Variants in CCDC30 observed in about 807,000 individuals in gnomAD.
CCDC30 encodes the protein coiled-coil domain-containing protein 30.
CCDC30 carries 70 observed loss-of-function variants against 100.2 expected under a neutral mutation model. The ratio of observed to expected loss-of-function variants is 0.70; its 90% CI spans 0.58 to 0.85. The LOEUF (loss-of-function observed/expected upper bound fraction) is 0.85, where lower values mean the gene tolerates loss of function less well. Among genes scored for constraint, CCDC30 ranks in the 40% least tolerant of loss-of-function variants. The pLI, the probability that CCDC30 is intolerant of heterozygous loss-of-function variation, is 0.00. For synonymous variants in CCDC30, 233 were observed against 269.5 expected (o/e 0.86, Z 1.33); for missense variants, 652 against 771.2 (o/e 0.85, Z 1.83).
chr1:42,526,382 G>T (rs528961574), intron 6 of CCDC30, among the ~76,000 whole-genome samples: 2 of 151,034 alleles, frequency 1.3e-5, no homozygotes, highest in South Asian at 4.2e-4. Context: ...CTATTTTTTT[G>T]TTGGAGGGTT....
chr1:42,520,493 G>A (rs548967163), intron 6 of CCDC30, among the ~76,000 whole-genome samples: 97 of 150,824 alleles, frequency 6.4e-4, no homozygotes, highest in Admixed American at 2.3e-3. Flanking sequence ...CACCATGCCC[G>A]GCTAATTTTT....
chr1:42,547,191 A>C (rs996220000), intron 6 of CCDC30, among the ~76,000 whole-genome samples: 2 of 152,230 alleles, frequency 1.3e-5, no homozygotes, highest in Admixed American at 1.3e-4. Flanking sequence ...TCACAAAAAC[A>C]GAGAGCCAAG....
At chr1:42,458,247 A>G (rs1196956987), upstream of CCDC30, among the ~76,000 whole-genome samples, 1 of 152,230 alleles carries the variant, frequency 6.6e-6, no homozygotes, top group Non-Finnish European at 1.5e-5. Flanking sequence ...CATCAGTATG[A>G]AAGACGAAGT....
chr1:42,547,524 A>G (rs1450301692), intron 6 of CCDC30, among the ~76,000 whole-genome samples: 1 of 152,196 alleles, frequency 6.6e-6, no homozygotes, highest in Non-Finnish European at 1.5e-5. Flanking sequence ...GTGGGGAGCA[A>G]GGATGTGGCT....
chr1:42,477,604 T>G (rs1643898531), intron 1 of CCDC30, among the ~76,000 whole-genome samples: 1 of 152,224 alleles, frequency 6.6e-6, no homozygotes, highest in African/African-American at 2.4e-5. Flanking sequence ...TTCCCTAGCA[T>G]GTTAATGATT....
chr1:42,558,539 A>G lies in CCDC30; in HGVS notation c.457-7757A>G, dbSNP rs572296836. ...CATCCAGCAGTAATCATTATTATCC[A>G]TATCTTAAGATGAGGGAATTGAAGT... On this transcript the variant is annotated intron_variant, in intron 6 of 16. Coordinates refer to ENST00000668663, the Ensembl canonical transcript of CCDC30. 5.5e-4 allele frequency among the ~76,000 whole-genome samples: 84 copies of G among 152,284 alleles called. 2 individuals are homozygous for G. In the South Asian group the frequency reaches 0.017, roughly 30 times the overall value.
intron 6 of CCDC30, among the ~76,000 whole-genome samples, chr1:42,539,895 G>A (rs1039143992): frequency 1.3e-5 from 2 of 150,866 alleles, no homozygotes; most frequent in Admixed American, 6.6e-5. Flanking sequence ...TTCAGCCTGG[G>A]CAGCACAGTG....
intron 15 of CCDC30, among the ~76,000 whole-genome samples, chr1:42,652,510 G>T (rs988783): frequency 0.97 from 147,611 of 152,312 alleles, 71,688 homozygotes; most frequent in African/African-American, 0.99. Context: ...ATAAAAATTT[G>T]AAAAAACTTT....
intron 7 of CCDC30, among the ~76,000 whole-genome samples, chr1:42,568,004 T>C (rs538182254): frequency 1.3e-5 from 2 of 152,332 alleles, no homozygotes; most frequent in South Asian, 4.1e-4. Flanking sequence ...GATAAATTAT[T>C]GGCCATTTAG....
At chr1:42,461,851 G>A (rs539350113), upstream of CCDC30, among the ~76,000 whole-genome samples, 2 of 152,078 alleles carry the variant, frequency 1.3e-5, no homozygotes, top group Non-Finnish European at 2.9e-5. Context: ...AGCCACCCAG[G>A]CTCCTTTGAC....
At chr1:42,566,913 C>T (rs1401581117) in intron 7 of CCDC30, among the ~76,000 whole-genome samples, 2 of 152,082 alleles carry the variant, frequency 1.3e-5, no homozygotes, top group African/African-American at 2.4e-5. Flanking sequence ...GGCAACATCC[C>T]CCAAAAGCTT....
chr1:42,564,994 ATGT>A (rs1282679241), intron 6 of CCDC30, among the ~76,000 whole-genome samples: 12 of 152,286 alleles, frequency 7.9e-5, no homozygotes, highest in African/African-American at 2.9e-4. Context: ...AAGTTCATTC[ATGT>A]TGTGACAAAT....
intron 1 of CCDC30, among the ~76,000 whole-genome samples, chr1:42,472,024 G>A (rs1643785412): frequency 6.6e-6 from 1 of 152,118 alleles, no homozygotes; most frequent in Non-Finnish European, 1.5e-5. Flanking sequence ...AATAGTTAGT[G>A]GTTTTAATCA....
chr1:42,530,497 A>G (rs1164954114), intron 6 of CCDC30, among the ~76,000 whole-genome samples: 1 of 152,172 alleles, frequency 6.6e-6, no homozygotes, highest in Non-Finnish European at 1.5e-5. Flanking sequence ...AAAAATAACA[A>G]TACAACAATA....
intron 11 of CCDC30, among the ~76,000 whole-genome samples, chr1:42,614,208 G>A (rs1018979236): frequency 6.6e-6 from 1 of 150,650 alleles, no homozygotes; most frequent in Admixed American, 6.6e-5. Flanking sequence ...AGCCTCCCGA[G>A]TAGCTGGGAC....
intron 12 of CCDC30, among the ~76,000 whole-genome samples, chr1:42,641,968 G>C (rs1451781207): frequency 6.6e-6 from 1 of 152,162 alleles, no homozygotes; most frequent in Non-Finnish European, 1.5e-5. Flanking sequence ...GCTCACGCCT[G>C]TAATCCCAGC....
intron 11 of CCDC30, among the ~76,000 whole-genome samples, chr1:42,627,904 T>A (rs1350992963): frequency 3.3e-5 from 5 of 152,148 alleles, no homozygotes; most frequent in Admixed American, 3.3e-4. Flanking sequence ...GGTTGGAGCC[T>A]CCACACAGAG....
intron 6 of CCDC30, chr1:42,558,059 C>G (rs1007292684): frequency 4.5e-6 from 1 of 221,946 alleles, no homozygotes; most frequent in Non-Finnish European, 9.7e-6. Context: ...AATAGAGACT[C>G]TTGTTGGCTG....
chr1:42,470,379 G>A (rs913822954), intron 1 of CCDC30, among the ~76,000 whole-genome samples: 2 of 151,966 alleles, frequency 1.3e-5, no homozygotes, highest in African/African-American at 4.8e-5. Flanking sequence ...GTAAAATGGT[G>A]CAGCTGCAGT....
Sources: allele counts gnomAD v4.1 joint callset (sites outside exome capture counted in the v4.1 genomes callset), GRCh38; gene constraint gnomAD v4.1.1; transcripts MANE v1.5; gene names NCBI Gene and HGNC (gene_info 2026-07-23, HGNC 2026-07-21).